Variants in RBFOX3 observed in about 807,000 individuals in gnomAD.
RBFOX3 encodes the protein RNA binding protein fox-1 homolog 3.
A neutral mutation model predicts 48.7 loss-of-function variants in RBFOX3; 17 were observed. That is an observed-to-expected ratio of 0.35 (90% CI 0.24 to 0.52). The LOEUF (loss-of-function observed/expected upper bound fraction) is 0.52. RBFOX3 is among the 20% of genes least tolerant of loss of function. The pLI is 0.94. For synonymous variants in RBFOX3, 212 were observed against 209.5 expected, an observed-to-expected ratio of 1.01 and a Z score of -0.10; for missense variants, 382 against 497.5, an observed-to-expected ratio of 0.77 and a Z score of 2.21.
At position 79,224,858 on chromosome 17, in the gene RBFOX3, T is replaced by G. The variant is rs138879416; in HGVS notation, c.-34+10908A>C. ...GGAACTCAGAGCAAGATTTTACATT[T>G]AGTCTTGTTACATTTAGTGAATTTC... is the stretch of plus-strand genomic sequence containing the variant. On this transcript the variant is annotated intron_variant, in intron 4 of 14. Coordinates refer to ENST00000693108, the MANE Select transcript of RBFOX3 (RefSeq NM_001350451.2). 9.5e-4 allele frequency among the ~76,000 whole-genome samples: 145 copies of G among 152,372 alleles called. 1 individual carries two copies. The highest frequency in any genetic ancestry group is 3.4e-3 in the African/African-American group (141 of 41,594).
intron 4 of RBFOX3, among the ~76,000 whole-genome samples, chr17:79,148,890 G>A (rs2043660403): frequency 6.6e-6 from 1 of 152,198 alleles, no homozygotes; most frequent in African/African-American, 2.4e-5. Flanking sequence ...CACTGATCAG[G>A]TCCTGAGTTT....
At chr17:79,307,857 C>T (rs147187371) in intron 2 of RBFOX3, 33 bp from the exon 3 acceptor site, 2 of 153,882 alleles carry the variant, frequency 1.3e-5, no homozygotes, top group Non-Finnish European at 2.9e-5. Context: ...GAGAACAAAA[C>T]GGTGTTCAAT....
chr17:79,241,429 A>G (rs2062360130), intron 3 of RBFOX3, among the ~76,000 whole-genome samples: 1 of 152,136 alleles, frequency 6.6e-6, no homozygotes, highest in Admixed American at 6.5e-5. Flanking sequence ...GGCAAGGACA[A>G]CTGAATCAGC....
At chr17:79,095,404 G>T in intron 13 of RBFOX3, 109 bp downstream of exon 13, 2 of 972,466 alleles carry the variant, frequency 2.1e-6, no homozygotes. Context: ...CTCCCGCCAG[G>T]CCTGGAAGAG....
chr17:79,374,195 T>C (rs2058934444), intron 2 of RBFOX3, among the ~76,000 whole-genome samples: 1 of 152,224 alleles, frequency 6.6e-6, no homozygotes, highest in African/African-American at 2.4e-5. Flanking sequence ...CTGGTGCAGC[T>C]GCTTCCTCTA....
chr17:79,244,226 A>G (rs2062808374), intron 3 of RBFOX3, among the ~76,000 whole-genome samples: 1 of 152,158 alleles, frequency 6.6e-6, no homozygotes, highest in Non-Finnish European at 1.5e-5. Flanking sequence ...AGAGACACGC[A>G]TTGGGTGAGG....
chr17:79,288,480 C>G (rs533212820), intron 3 of RBFOX3, among the ~76,000 whole-genome samples: 1 of 152,010 alleles, frequency 6.6e-6, no homozygotes, highest in African/African-American at 2.4e-5. Context: ...CTCTGCAGCC[C>G]CCCCCAGCCC....
intron 1 of RBFOX3, among the ~76,000 whole-genome samples, chr17:79,502,178 A>C (rs2456891): frequency 0.97 from 147,567 of 152,324 alleles, 71,516 homozygotes; most frequent in Middle Eastern, 0.99. Context: ...AGATTAGTTA[A>C]ATGAAAGGGC....
intron 4 of RBFOX3, among the ~76,000 whole-genome samples, chr17:79,143,528 C>G (rs1484093913): frequency 6.6e-6 from 1 of 152,236 alleles, no homozygotes; most frequent in Non-Finnish European, 1.5e-5. Flanking sequence ...AGGCTCGCCA[C>G]TACCCTGTGC....
At chr17:79,410,541 C>T (rs941394617) in intron 2 of RBFOX3, among the ~76,000 whole-genome samples, 1 of 152,070 alleles carries the variant, frequency 6.6e-6, no homozygotes, top group Non-Finnish European at 1.5e-5. Flanking sequence ...TCCAGCTGGT[C>T]GCAGAACAGG....
intron 1 of RBFOX3, among the ~76,000 whole-genome samples, chr17:79,486,125 C>G (rs899189006): frequency 1.3e-5 from 2 of 152,176 alleles, no homozygotes; most frequent in African/African-American, 2.4e-5. Context: ...AGGCAAAAGG[C>G]CCAGTGACCA....
At chr17:79,571,924 C>T (rs917720405) in intron 1 of RBFOX3, among the ~76,000 whole-genome samples, 5 of 152,168 alleles carry the variant, frequency 3.3e-5, no homozygotes, top group South Asian at 2.1e-4. Context: ...CTCCCCCCAG[C>T]GTCCTATCTC....
At chr17:79,287,262 G>A (rs997420121) in intron 3 of RBFOX3, among the ~76,000 whole-genome samples, 1 of 152,214 alleles carries the variant, frequency 6.6e-6, no homozygotes, top group Non-Finnish European at 1.5e-5. Context: ...GAGAAGGGCT[G>A]ACAAGTGTCA....
chr17:79,102,381 G>C (rs1026949625), intron 8 of RBFOX3, among the ~76,000 whole-genome samples: 3 of 152,226 alleles, frequency 2.0e-5, no homozygotes, highest in African/African-American at 7.2e-5. Context: ...GCCTGGCCAA[G>C]CCAGTGCCTT....
At chr17:79,662,652 C>T in the RBFOX3 span, among the ~76,000 whole-genome samples, 14 of 152,292 alleles carry the variant, frequency 9.2e-5, no homozygotes, top group South Asian at 2.1e-4. Context: ...GATTCTAACA[C>T]GCAGTCGGGG....
At chr17:79,579,294 G>A (rs2092967190) in intron 1 of RBFOX3, among the ~76,000 whole-genome samples, 1 of 152,198 alleles carries the variant, frequency 6.6e-6, no homozygotes, top group African/African-American at 2.4e-5. Flanking sequence ...CCGGGTGCTG[G>A]CTCTGCTGCC....
intron 4 of RBFOX3, among the ~76,000 whole-genome samples, chr17:79,192,880 A>C (rs1306708579): frequency 6.6e-6 from 1 of 151,884 alleles, no homozygotes; most frequent in Non-Finnish European, 1.5e-5. Flanking sequence ...GGCCCTGCAC[A>C]CTCTCACTGG....
intron 4 of RBFOX3, among the ~76,000 whole-genome samples, chr17:79,213,368 G>C (rs1358020181): frequency 6.6e-6 from 1 of 152,194 alleles, no homozygotes; most frequent in Admixed American, 6.5e-5. Flanking sequence ...AAGGGAAGCT[G>C]TGTCTTCACC....
At chr17:79,528,017 C>A (rs1568381017) in intron 1 of RBFOX3, among the ~76,000 whole-genome samples, 1 of 152,250 alleles carries the variant, frequency 6.6e-6, no homozygotes, top group Non-Finnish European at 1.5e-5. Flanking sequence ...CTCTGAGTAC[C>A]TCTGAGGAGA....
Sources: gnomAD v4.1 joint callset for allele counts (sites outside exome capture counted in the v4.1 genomes callset) on GRCh38, gnomAD v4.1.1 for gene constraint, MANE v1.5 for transcripts, NCBI Gene and HGNC (gene_info 2026-07-23, HGNC 2026-07-21) for gene names.